The following ZNF804A variants were observed in gnomAD, a reference collection of about 807,000 sequenced individuals.
ZNF804A encodes zinc finger protein 804A.
ZNF804A carries 2 observed loss-of-function variants against 16.5 expected under a neutral mutation model. The observed-to-expected ratio is 0.12, with a 90% confidence interval of 0.05 to 0.38. The LOEUF (loss-of-function observed/expected upper bound fraction) is 0.38, where lower values mean the gene tolerates loss of function less well. Ranked by LOEUF, ZNF804A falls within the 10% of genes least tolerant of loss-of-function variation. The probability of loss-of-function intolerance (pLI) is 0.99; values close to 1 mark genes in which losing one functional copy is unlikely to be tolerated. For missense variants in ZNF804A, 1,473 were observed against 1,390.7 expected (o/e 1.06, Z -0.94); for synonymous variants, 534 against 489.6 (o/e 1.09, Z -1.20).
In ZNF804A at chr2:184,937,031, T is replaced by G; in HGVS notation, c.1635T>G (p.Gly545=). The G allele has an allele frequency of 1.2e-6, 2 of 1,610,606 alleles. No homozygotes were observed. Among genetic ancestry groups the G allele is most frequent in the Non-Finnish European group, 8.5e-7 (1 of 1,178,970 alleles). Residue 545 remains glycine, a synonymous_variant, in exon 4 of 4, where the codon GGT becomes GGG. Transcript: ENST00000302277. ...SCDSGKNENT[G]QRYKNISCKI... ...ATTCTGGAAAAAATGAGAACACAGG[T>G]CAGAGGTATAAAAACATTTCCTGTA...
intron 1 of ZNF804A, among the ~76,000 whole-genome samples, chr2:184,787,826 GTT>G (rs71011058): frequency 8.4e-5 from 12 of 142,966 alleles, no homozygotes; most frequent in African/African-American, 1.0e-4. Context: ...TTCTTTTGCT[GTT>G]TTTTTTTTTA....
chr2:184,628,117 C>G lies in ZNF804A; in HGVS notation c.111+29047C>G, dbSNP rs1005117408. Among the ~76,000 whole-genome samples, 4 of 152,072 alleles carry G rather than the reference C, an allele frequency of 2.6e-5. No homozygotes were observed. The East Asian group carries it at 5.8e-4, about 22-fold the overall frequency. On this transcript the variant is annotated intron_variant, in intron 1 of 3. Transcript: ENST00000302277. ...ATCACCTCAGGTCTGGAGTTGGAGA[C>G]CAGCCTGACCAACATGGAGAAACCC... is the stretch of plus-strand genomic sequence containing the variant.
rs920659501 is a variant in ZNF804A, at chr2:184,931,654, A to G, written c.256-1949A>G. On this transcript the variant is annotated intron_variant, in intron 2 of 3. Coordinates refer to ENST00000302277, the MANE Select transcript of ZNF804A (RefSeq NM_194250.2). ...ACAGGCTGCTGTGAAGAAACCTGAC[A>G]TGCCTCGGAGATATTTTTCCCCAGT... is the stretch of plus-strand genomic sequence containing the variant. Among the ~76,000 whole-genome samples the G allele has an allele frequency of 2.0e-5, 3 of 152,274 alleles. No individual in the cohort carries two copies. The East Asian group carries it at 5.8e-4, about 29-fold the overall frequency.
chr2:184,936,306 G>C lies in ZNF804A; in HGVS notation c.910G>C (p.Asp304His), dbSNP rs142766490. Residue 304 changes from aspartate (D) to histidine (H), a missense_variant, in exon 4 of 4, where the codon GAT (aspartate) becomes CAT (histidine). Transcript: ENST00000302277. ...GATAAAAGAAGTCTCTAGTGAAAAA[G>C]ATGCATTATTATTACCTTCATTTTG... ...QEIKEVSSEKDALLLPSFCKF... is the reference protein window; with the variant it reads ...QEIKEVSSEKHALLLPSFCKF... 4.2e-5 allele frequency: 68 copies of C among 1,613,682 alleles called. No individual in the cohort carries two copies. The highest frequency in any genetic ancestry group is 5.1e-5 in the Non-Finnish European group (60 of 1,179,880).
At chr2:184,622,351 A>G (rs1014834040) in intron 1 of ZNF804A, among the ~76,000 whole-genome samples, 1 of 150,468 alleles carries the variant, frequency 6.6e-6, no homozygotes. Flanking sequence ...CTTTCTTTAA[A>G]TGTTTGAATT....
intron 1 of ZNF804A, among the ~76,000 whole-genome samples, chr2:184,824,762 T>A (rs1695133815): frequency 6.6e-6 from 1 of 152,144 alleles, no homozygotes; most frequent in Admixed American, 6.6e-5. Context: ...AGCTGAAGGC[T>A]GGAATCCTCT....
At chr2:184,624,690 A>G (rs760810737) in intron 1 of ZNF804A, among the ~76,000 whole-genome samples, 1 of 152,132 alleles carries the variant, frequency 6.6e-6, no homozygotes, top group Admixed American at 6.6e-5. Flanking sequence ...GTGAGGGTCA[A>G]CTATACCTTT....
intron 1 of ZNF804A, among the ~76,000 whole-genome samples, chr2:184,790,993 C>T (rs1345373461): frequency 1.3e-5 from 2 of 152,142 alleles, no homozygotes; most frequent in Admixed American, 1.3e-4. Context: ...AGAATGGCTA[C>T]TCCTGCTCAC....
intron 2 of ZNF804A, among the ~76,000 whole-genome samples, chr2:184,872,202 G>A (rs1192818028): frequency 6.6e-6 from 1 of 152,050 alleles, no homozygotes; most frequent in East Asian, 1.9e-4. Flanking sequence ...CTGATCTGCT[G>A]ATCAGACAAA....
At chr2:184,885,632 A>T (rs1684876587) in intron 2 of ZNF804A, among the ~76,000 whole-genome samples, 1 of 152,076 alleles carries the variant, frequency 6.6e-6, no homozygotes, top group African/African-American at 2.4e-5. Flanking sequence ...GTTTATTTGG[A>T]CTTATAGTTC....
intron 1 of ZNF804A, among the ~76,000 whole-genome samples, chr2:184,779,640 G>C (rs1478888936): frequency 6.6e-6 from 1 of 151,702 alleles, no homozygotes; most frequent in African/African-American, 2.4e-5. Flanking sequence ...CTTGAAGTGT[G>C]AAATGCTTGA....
chr2:184,809,240 G>T (rs1694855364), intron 1 of ZNF804A, among the ~76,000 whole-genome samples: 1 of 151,458 alleles, frequency 6.6e-6, no homozygotes, highest in Non-Finnish European at 1.5e-5. Flanking sequence ...ATAGGTAAAT[G>T]GATAAAATTA....
At chr2:184,803,985 C>T (rs893011662) in intron 1 of ZNF804A, among the ~76,000 whole-genome samples, 1 of 152,100 alleles carries the variant, frequency 6.6e-6, no homozygotes, top group Non-Finnish European at 1.5e-5. Flanking sequence ...GCCTCAGCCT[C>T]CTGAGTCTCT....
intron 1 of ZNF804A, among the ~76,000 whole-genome samples, chr2:184,616,571 T>G (rs373485684): frequency 1.3e-5 from 2 of 152,138 alleles, no homozygotes; most frequent in African/African-American, 2.4e-5. Flanking sequence ...AATGGACATG[T>G]GTTTATCAGA....
At chr2:184,653,012 C>T (rs1292691308) in intron 1 of ZNF804A, among the ~76,000 whole-genome samples, 2 of 151,882 alleles carry the variant, frequency 1.3e-5, no homozygotes, top group African/African-American at 4.8e-5. Context: ...CCTTTATAAA[C>T]TCAGCCCTTC....
intron 1 of ZNF804A, among the ~76,000 whole-genome samples, chr2:184,809,454 A>G (rs888760181): frequency 1.3e-5 from 2 of 151,832 alleles, no homozygotes; most frequent in African/African-American, 4.8e-5. Context: ...GATTTAAAAT[A>G]TAGAAAATAT....
chr2:184,715,888 G>T (rs186566030), intron 1 of ZNF804A, among the ~76,000 whole-genome samples: 90 of 152,142 alleles, frequency 5.9e-4, no homozygotes, highest in African/African-American at 2.0e-3. Flanking sequence ...TGCTTCACGC[G>T]GGTTTTGGCT....
At chr2:184,676,810 T>C (rs764893332) in intron 1 of ZNF804A, among the ~76,000 whole-genome samples, 5 of 151,808 alleles carry the variant, frequency 3.3e-5, no homozygotes, top group African/African-American at 7.2e-5. Context: ...CTATGACCTT[T>C]TAGACTTCTG....
intron 2 of ZNF804A, among the ~76,000 whole-genome samples, chr2:184,879,297 AC>A (rs1684769186): frequency 6.6e-6 from 1 of 152,032 alleles, no homozygotes; most frequent in Admixed American, 6.6e-5. Context: ...ACAGTCTTTA[AC>A]TCACTTAAAT....
Sources: gnomAD v4.1 joint callset for allele counts (sites outside exome capture counted in the v4.1 genomes callset) on GRCh38, gnomAD v4.1.1 for gene constraint, MANE v1.5 for transcripts, NCBI Gene and HGNC (gene_info 2026-07-23, HGNC 2026-07-21) for gene names.